The following GLRA1 variants were observed in gnomAD, a reference collection of about 807,000 sequenced individuals.
GLRA1 encodes the protein glycine receptor subunit alpha-1.
Under a neutral mutation model 48.3 loss-of-function variants are expected in GLRA1, and 37 were observed. The ratio of observed to expected loss-of-function variants is 0.77; its 90% confidence interval spans 0.59 to 1.01. The LOEUF is 1.01. Ranked by LOEUF, GLRA1 falls within the 50% of genes least tolerant of loss-of-function variation. GLRA1 has a pLI of 0.00. For missense variants in GLRA1, 427 were observed against 571.0 expected (o/e 0.75, Z 2.57); for synonymous variants, 196 against 210.7 (o/e 0.93, Z 0.60).
At chr5:151,829,883 C>T (rs528604044) in intron 7 of GLRA1, among the ~76,000 whole-genome samples, 3 of 152,252 alleles carry the variant, frequency 2.0e-5, no homozygotes, top group East Asian at 1.9e-4. Flanking sequence ...TCATTCACAT[C>T]GTAACATGTA....
chr5:151,835,294 CA>C (rs1448669433), intron 7 of GLRA1, among the ~76,000 whole-genome samples: 2 of 151,824 alleles, frequency 1.3e-5, no homozygotes, highest in African/African-American at 4.8e-5. Context: ...ACCTACCAAC[CA>C]AAAAAAGCCC....
In GLRA1 at chr5:151,855,031, T is replaced by G. The variant is rs886060280; in HGVS notation, c.697+9A>C. ...GGTGGGATCTGAGGAGGGTGGCCCT[T>G]GTACCTACCTGTGTTGTAGTGCTTG... On this transcript the variant is annotated intron_variant, in intron 6 of 8. Coordinates refer to ENST00000274576, the MANE Select transcript of GLRA1 (RefSeq NM_000171.4). 10 of 1,613,856 alleles carry G rather than the reference T, an allele frequency of 6.2e-6. No homozygotes were observed. Among genetic ancestry groups the G allele is most frequent in the Non-Finnish European group, 8.5e-6 (10 of 1,179,962 alleles).
intron 2 of GLRA1, among the ~76,000 whole-genome samples, chr5:151,889,056 G>A (rs904756006): frequency 2.0e-5 from 3 of 152,070 alleles, no homozygotes; most frequent in Non-Finnish European, 4.4e-5. Flanking sequence ...GAAATGATGT[G>A]CACAGAGTTC....
chr5:151,913,349 A>C (rs1754662466), intron 1 of GLRA1, among the ~76,000 whole-genome samples: 1 of 152,184 alleles, frequency 6.6e-6, no homozygotes, highest in African/African-American at 2.4e-5. Flanking sequence ...GTGAGGGGGA[A>C]GTTTTCCAGA....
chr5:151,868,546 T>A (rs1456973654), intron 3 of GLRA1, among the ~76,000 whole-genome samples: 1 of 152,180 alleles, frequency 6.6e-6, no homozygotes, highest in Non-Finnish European at 1.5e-5. Context: ...AGGACGTTAA[T>A]GTCAGAGCCC....
At chr5:151,852,415 G>T (rs1752935670) in intron 6 of GLRA1, among the ~76,000 whole-genome samples, 1 of 152,178 alleles carries the variant, frequency 6.6e-6, no homozygotes, top group African/African-American at 2.4e-5. Context: ...GAGCCTTCAA[G>T]ATATAATACA....
At chr5:151,899,361 C>T (rs895760174) in intron 1 of GLRA1, among the ~76,000 whole-genome samples, 1 of 152,040 alleles carries the variant, frequency 6.6e-6, no homozygotes, top group South Asian at 2.1e-4. Flanking sequence ...TTAGAAAGAC[C>T]CAATATTTGC....
At chr5:151,888,237 T>C (rs1753964424) in intron 2 of GLRA1, among the ~76,000 whole-genome samples, 1 of 152,174 alleles carries the variant, frequency 6.6e-6, no homozygotes, top group Non-Finnish European at 1.5e-5. Context: ...AGCCCAAGCA[T>C]TTTGCTCAAA....
intron 5 of GLRA1, among the ~76,000 whole-genome samples, 198 bp downstream of exon 5, chr5:151,856,103 G>T (rs1373232395): frequency 6.6e-6 from 1 of 152,156 alleles, no homozygotes; most frequent in Non-Finnish European, 1.5e-5. Context: ...TCCAAAACAT[G>T]GGCCTCAGTT....
intron 4 of GLRA1, among the ~76,000 whole-genome samples, chr5:151,859,025 A>G (rs1753123854): frequency 6.6e-6 from 1 of 152,146 alleles, no homozygotes; most frequent in African/African-American, 2.4e-5. Context: ...TCTGATTCTC[A>G]TTTGTCTAAT....
intron 7 of GLRA1, among the ~76,000 whole-genome samples, chr5:151,842,042 A>T (rs1341231855): frequency 6.7e-6 from 1 of 148,310 alleles, no homozygotes; most frequent in Non-Finnish European, 1.5e-5. Flanking sequence ...GGATGACAAG[A>T]GCAAAACTCC....
intron 1 of GLRA1, among the ~76,000 whole-genome samples, chr5:151,912,917 C>T (rs1457442269): frequency 6.6e-6 from 1 of 152,178 alleles, no homozygotes; most frequent in Non-Finnish European, 1.5e-5. Flanking sequence ...GCTAGAGGGA[C>T]ACCCAAATGT....
intron 3 of GLRA1, among the ~76,000 whole-genome samples, chr5:151,881,019 C>T (rs1026816009): frequency 1.3e-5 from 2 of 152,222 alleles, no homozygotes; most frequent in Non-Finnish European, 2.9e-5. Context: ...ATACTTATAT[C>T]CATACCTATA....
In GLRA1 at chr5:151,920,102, A is replaced by C. The variant is rs542704318; in HGVS notation, c.56+4392T>G. On this transcript the variant is annotated intron_variant, in intron 1 of 8. Coordinates refer to ENST00000274576, the MANE Select transcript of GLRA1 (RefSeq NM_000171.4). ...GTGCCTGCAGAGTGTTTAGTTTTAG[A>C]CTGGACACATAAGCACATGATAAAC... 7.2e-5 allele frequency among the ~76,000 whole-genome samples: 11 copies of C among 152,330 alleles called. No individual in the cohort carries two copies. The South Asian group carries it at 2.1e-3, about 29-fold the overall frequency.
intron 8 of GLRA1, among the ~76,000 whole-genome samples, chr5:151,823,841 C>T (rs895566506): frequency 6.6e-6 from 1 of 152,028 alleles, no homozygotes; most frequent in Admixed American, 6.5e-5. Context: ...CATCTCTTTC[C>T]CAGGTCATGG....
At chr5:151,878,027 C>T (rs114230093) in intron 3 of GLRA1, among the ~76,000 whole-genome samples, 1,939 of 152,194 alleles carry the variant, frequency 0.013, 20 homozygotes, top group African/African-American at 0.031. Context: ...GAGGTTGGGA[C>T]GGTTTGGAGG....
chr5:151,843,442 T>C (rs1042622205), intron 7 of GLRA1, among the ~76,000 whole-genome samples: 2 of 151,768 alleles, frequency 1.3e-5, no homozygotes, highest in Non-Finnish European at 2.9e-5. Context: ...TTTGTATTTT[T>C]AGTAGAGACG....
At chr5:151,894,328 C>G (rs1754177050) in intron 1 of GLRA1, among the ~76,000 whole-genome samples, 1 of 152,116 alleles carries the variant, frequency 6.6e-6, no homozygotes, top group African/African-American at 2.4e-5. Flanking sequence ...CTGTCACCAC[C>G]CTGGCCTCTT....
intron 3 of GLRA1, among the ~76,000 whole-genome samples, chr5:151,880,715 A>T (rs1490610721): frequency 1.3e-5 from 2 of 152,294 alleles, no homozygotes; most frequent in African/African-American, 4.8e-5. Flanking sequence ...CCATACTGGT[A>T]CATTTAAATA....
Sources: allele counts gnomAD v4.1 joint callset (sites outside exome capture counted in the v4.1 genomes callset), GRCh38; gene constraint gnomAD v4.1.1; transcripts MANE v1.5; gene names NCBI Gene and HGNC (gene_info 2026-07-23, HGNC 2026-07-21).